Variants in HDAC9 observed in about 807,000 individuals in gnomAD.
HDAC9 encodes the protein histone deacetylase 9, also known as MEF-2 interacting transcription repressor (MITR) protein.
A neutral mutation model predicts 139.4 loss-of-function variants in HDAC9; 41 were observed. That is an observed-to-expected ratio of 0.29 (90% CI 0.23 to 0.38). HDAC9 has a LOEUF of 0.38. HDAC9 is among the 10% of genes least tolerant of loss of function. HDAC9 has a pLI of 1.00. For synonymous variants in HDAC9, 517 were observed against 476.2 expected, an observed-to-expected ratio of 1.09 and a Z score of -1.12; for missense variants, 1,147 against 1,297.0, an observed-to-expected ratio of 0.88 and a Z score of 1.78.
chr7:18,481,008 C>T (rs1795505938), intron 1 of HDAC9, among the ~76,000 whole-genome samples: 1 of 152,172 alleles, frequency 6.6e-6, no homozygotes, highest in African/African-American at 2.4e-5. Context: ...TGCAGCCCTG[C>T]AGCAGAGCTC....
chr7:18,629,339 T>TTG lies in HDAC9; in HGVS notation c.665-11_665-10insTG. The TTG allele has an allele frequency of 6.5e-7, 1 of 1,536,934 alleles. No homozygotes were observed. The highest frequency in any genetic ancestry group is 8.7e-7 in the Non-Finnish European group (1 of 1,143,300). On this transcript the variant is annotated splice_polypyrimidine_tract_variant and intron_variant, in intron 6 of 25. Coordinates refer to ENST00000686413, the MANE Select transcript of HDAC9 (RefSeq NM_178425.4). ...TTTTATCTATTTTTTTTTTTTTGTC[T>TTG]CAATCCCCAGCCTCTGAGCCCAACT...
chr7:18,619,066 A>G (rs2128935428), intron 6 of HDAC9, among the ~76,000 whole-genome samples: 1 of 152,272 alleles, frequency 6.6e-6, no homozygotes, highest in Admixed American at 6.5e-5. Context: ...AATTTGTCTT[A>G]GGTAAATAAA....
chr7:18,954,311 CATTT>C lies in HDAC9; in HGVS notation c.3022+87_3022+90del, dbSNP rs1025351948. 131 of 1,005,550 alleles carry C rather than the reference CATTT, an allele frequency of 1.3e-4. No homozygotes were observed. In the Middle Eastern group the frequency reaches 1.5e-3, roughly 12 times the overall value. The allele number at this position is 1,005,550 out of a possible 1,614,324, so 62.3% of individuals were successfully genotyped here. A position where few individuals can be genotyped will look rare whatever the true frequency, so the allele number is the denominator to read the frequency against. ...TATTGAAAATTATAGTACAAAGAAA[CATTT>C]ATTTAGAGTTATCATAATTTGCACA... On this transcript the variant is annotated intron_variant, in intron 24 of 25. Transcript: ENST00000686413.
intron 1 of HDAC9, among the ~76,000 whole-genome samples, chr7:18,297,066 T>C (rs1798198743): frequency 6.6e-6 from 1 of 152,120 alleles, no homozygotes; most frequent in Non-Finnish European, 1.5e-5. Context: ...GAGACGTCAT[T>C]GTTGAGCAGT....
chr7:18,702,809 A>C (rs529734905), intron 12 of HDAC9, among the ~76,000 whole-genome samples: 2 of 152,124 alleles, frequency 1.3e-5, no homozygotes. Flanking sequence ...TGCAACCAAC[A>C]CTGCGGTTTT....
intron 1 of HDAC9, among the ~76,000 whole-genome samples, chr7:18,130,670 G>A (rs188863857): frequency 1.3e-5 from 2 of 151,932 alleles, no homozygotes; most frequent in Non-Finnish European, 2.9e-5. Context: ...CTCCATTCCC[G>A]ATGCCCTAGG....
chr7:18,207,559 A>ATTTTTTTTTTTTTTTTTTTTTTT (rs1584636090), intron 2 of HDAC9, among the ~76,000 whole-genome samples: 54 of 37,340 alleles, frequency 1.4e-3, no homozygotes, highest in East Asian at 1.7e-3. Flanking sequence ...TTTTTTTTTG[A>ATTTTTTTTTTTTTTTTTTTTTTT]TTTGAGCTTT....
chr7:18,440,540 C>A (rs1472978880), intron 1 of HDAC9, among the ~76,000 whole-genome samples: 1 of 152,090 alleles, frequency 6.6e-6, no homozygotes, highest in Non-Finnish European at 1.5e-5. Context: ...GTGATTCCCC[C>A]ATAAGTGAAT....
chr7:18,264,892 A>G (rs1020600950), intron 2 of HDAC9, among the ~76,000 whole-genome samples: 4 of 152,200 alleles, frequency 2.6e-5, no homozygotes, highest in African/African-American at 9.6e-5. Context: ...AAACATTGGC[A>G]GTATATCTCA....
intron 11 of HDAC9, among the ~76,000 whole-genome samples, chr7:18,654,650 C>A (rs773226790): frequency 6.6e-6 from 1 of 152,110 alleles, no homozygotes; most frequent in East Asian, 1.9e-4. Context: ...AGCAGGAAAC[C>A]GGCTTTTCCT....
chr7:18,749,510 A>G (rs1487967535), intron 14 of HDAC9, among the ~76,000 whole-genome samples: 1 of 152,224 alleles, frequency 6.6e-6, no homozygotes, highest in East Asian at 1.9e-4. Context: ...GATATATGCC[A>G]ATTTTGCCAC....
intron 1 of HDAC9, among the ~76,000 whole-genome samples, chr7:18,431,254 C>T (rs1014741175): frequency 4.6e-5 from 7 of 152,036 alleles, no homozygotes; most frequent in African/African-American, 1.2e-4. Flanking sequence ...GGTAATGATG[C>T]GAAATAATAT....
At chr7:18,475,643 A>G (rs1340602121) in intron 1 of HDAC9, among the ~76,000 whole-genome samples, 1 of 152,124 alleles carries the variant, frequency 6.6e-6, no homozygotes, top group African/African-American at 2.4e-5. Flanking sequence ...GCATAATTAT[A>G]CATCAGATCT....
At chr7:18,878,600 A>C (rs1316873165) in intron 22 of HDAC9, among the ~76,000 whole-genome samples, 1 of 152,204 alleles carries the variant, frequency 6.6e-6, no homozygotes, top group Admixed American at 6.5e-5. Flanking sequence ...GCTTTCGATA[A>C]AATTCAACGC....
chr7:18,669,364 A>G (rs925009408), intron 12 of HDAC9, among the ~76,000 whole-genome samples: 1 of 151,858 alleles, frequency 6.6e-6, no homozygotes. Flanking sequence ...TAAAGAGAAA[A>G]TAGTAATTAA....
rs564306105 is a variant in HDAC9 at position 18,266,330 on chromosome 7, A to G, written c.25+103981A>G. Among the ~76,000 whole-genome samples, 16 of 152,326 alleles carry G rather than the reference A, an allele frequency of 1.1e-4. No individual in the cohort carries two copies. The East Asian group carries it at 2.9e-3, about 28-fold the overall frequency. ...TCTCAGTTATTTTCCTTACCGTGAC[A>G]GGCACTTTGGGTTCATTTTTGATAA... On this transcript the variant is annotated intron_variant, in intron 2 of 12. Coordinates refer to the HDAC9 transcript ENST00000417496.
chr7:18,349,306 C>G (rs1387135591), intron 1 of HDAC9, among the ~76,000 whole-genome samples: 1 of 81,788 alleles, frequency 1.2e-5, no homozygotes, highest in Non-Finnish European at 2.2e-5. Context: ...TTGAGAACAT[C>G]TACACACACA....
At chr7:18,749,840 C>T (rs1788292807) in intron 14 of HDAC9, among the ~76,000 whole-genome samples, 1 of 152,222 alleles carries the variant, frequency 6.6e-6, no homozygotes. Context: ...TGTCTGAAAT[C>T]CAGTAACATT....
intron 1 of HDAC9, among the ~76,000 whole-genome samples, chr7:18,296,940 C>T (rs1332271389): frequency 3.9e-5 from 6 of 152,174 alleles, no homozygotes; most frequent in African/African-American, 9.7e-5. Context: ...ACTTTGTATG[C>T]GGTGCCTTCT....
Sources: gnomAD v4.1 joint callset for allele counts (sites outside exome capture counted in the v4.1 genomes callset) on GRCh38, gnomAD v4.1.1 for gene constraint, MANE v1.5 for transcripts, NCBI Gene and HGNC (gene_info 2026-07-23, HGNC 2026-07-21) for gene names.